The following NKAIN2 variants were observed in gnomAD, a reference collection of about 807,000 sequenced individuals.
NKAIN2 encodes sodium/potassium-transporting ATPase subunit beta-1-interacting protein 2.
Under a neutral mutation model 32.6 loss-of-function variants are expected in NKAIN2, and 14 were observed. The ratio of observed to expected loss-of-function variants is 0.43; its 90% CI spans 0.28 to 0.67. The LOEUF (loss-of-function observed/expected upper bound fraction) is 0.67. Ranked by LOEUF, NKAIN2 falls within the 30% of genes least tolerant of loss-of-function variation. The pLI is 0.17. For synonymous variants in NKAIN2, 80 were observed against 87.2 expected, an observed-to-expected ratio of 0.92 and a Z score of 0.46; for missense variants, 198 against 258.3, an observed-to-expected ratio of 0.77 and a Z score of 1.60.
intron 1 of NKAIN2, among the ~76,000 whole-genome samples, chr6:123,929,371 G>A (rs558555617): frequency 3.3e-5 from 5 of 152,114 alleles, no homozygotes; most frequent in African/African-American, 7.2e-5. Context: ...TTCTCACAGA[G>A]GAGAAAGAAG....
At chr6:124,073,480 A>G (rs1783550833) in intron 1 of NKAIN2, among the ~76,000 whole-genome samples, 1 of 152,106 alleles carries the variant, frequency 6.6e-6, no homozygotes, top group African/African-American at 2.4e-5. Flanking sequence ...CAATTTGCTG[A>G]GCTATGACTG....
intron 1 of NKAIN2, among the ~76,000 whole-genome samples, chr6:123,907,684 C>T (rs147578211): frequency 6.6e-6 from 1 of 152,068 alleles, no homozygotes; most frequent in Non-Finnish European, 1.5e-5. Context: ...TAGCCTCTCA[C>T]CCCCCACTGC....
intron 1 of NKAIN2, among the ~76,000 whole-genome samples, chr6:124,207,183 T>C (rs1479383135): frequency 6.6e-6 from 1 of 151,588 alleles, no homozygotes; most frequent in Non-Finnish European, 1.5e-5. Flanking sequence ...TCCCAGCTAC[T>C]TGGGGGGCTG....
intron 1 of NKAIN2, among the ~76,000 whole-genome samples, chr6:124,027,063 G>A (rs912801196): frequency 1.3e-5 from 2 of 151,526 alleles, no homozygotes; most frequent in Non-Finnish European, 2.9e-5. Context: ...CTCATGAAGT[G>A]CCTACGGCTT....
At chr6:124,684,317 T>C (rs1472201279) in intron 4 of NKAIN2, among the ~76,000 whole-genome samples, 1 of 152,184 alleles carries the variant, frequency 6.6e-6, no homozygotes, top group African/African-American at 2.4e-5. Context: ...TGTTAAAGTG[T>C]AGTTCTTAGA....
At chr6:124,236,488 G>A (rs1792769835) in intron 1 of NKAIN2, among the ~76,000 whole-genome samples, 1 of 152,114 alleles carries the variant, frequency 6.6e-6, no homozygotes, top group Non-Finnish European at 1.5e-5. Flanking sequence ...AGTATGGATA[G>A]CACTGAATTT....
intron 3 of NKAIN2, among the ~76,000 whole-genome samples, chr6:124,625,050 A>G (rs750372906): frequency 6.6e-6 from 1 of 152,150 alleles, no homozygotes; most frequent in Non-Finnish European, 1.5e-5. Context: ...TCATATATCT[A>G]AAATACTAAG....
Position 124,792,717 on chromosome 6 carries a change from A to G in NKAIN2, c.535+1318A>G, listed in dbSNP as rs76938594. 3.7e-3 allele frequency among the ~76,000 whole-genome samples: 562 copies of G among 152,214 alleles called. 2 individuals carry two copies. Among genetic ancestry groups the G allele is most frequent in the African/African-American group, 0.013 (543 of 41,550 alleles). On this transcript the variant is annotated intron_variant, in intron 5 of 6. Transcript: ENST00000368417. Reference sequence around the variant, plus strand: ...TGAATAGATCTTTATTGTGTAGCTGATATGGAAGTGAGGGGTGGTCCCAGG... The same window carrying G: ...TGAATAGATCTTTATTGTGTAGCTGGTATGGAAGTGAGGGGTGGTCCCAGG...
chr6:123,938,615 A>G (rs1776671998), intron 1 of NKAIN2, among the ~76,000 whole-genome samples: 1 of 142,244 alleles, frequency 7.0e-6, no homozygotes, highest in South Asian at 2.1e-4. Flanking sequence ...ATTTTTATAT[A>G]TTATATATAT....
chr6:124,127,446 A>G (rs537820122), intron 1 of NKAIN2, among the ~76,000 whole-genome samples: 2 of 152,232 alleles, frequency 1.3e-5, no homozygotes, highest in African/African-American at 4.8e-5. Flanking sequence ...GAATAGTCAC[A>G]TGGAAATATT....
intron 1 of NKAIN2, among the ~76,000 whole-genome samples, chr6:123,977,030 C>G (rs895272838): frequency 2.0e-5 from 3 of 152,114 alleles, no homozygotes; most frequent in Non-Finnish European, 4.4e-5. Context: ...CGCTTATTGC[C>G]TGGGCTGGAG....
intron 1 of NKAIN2, among the ~76,000 whole-genome samples, chr6:123,904,529 C>G (rs988688237): frequency 1.3e-5 from 2 of 152,178 alleles, no homozygotes; most frequent in Admixed American, 6.5e-5. Context: ...TTGCAATGTT[C>G]AGCCTTGCTT....
At chr6:123,925,854 G>T (rs1775980796) in intron 1 of NKAIN2, among the ~76,000 whole-genome samples, 1 of 152,042 alleles carries the variant, frequency 6.6e-6, no homozygotes, top group Non-Finnish European at 1.5e-5. Flanking sequence ...ATTTGTTCAG[G>T]TTGCTATAAC....
chr6:124,150,784 A>G (rs1787677744), intron 1 of NKAIN2, among the ~76,000 whole-genome samples: 1 of 152,154 alleles, frequency 6.6e-6, no homozygotes. Flanking sequence ...GGAGGCCTTC[A>G]AGAACTTACA....
At chr6:124,069,532 A>G (rs1300536738) in intron 1 of NKAIN2, among the ~76,000 whole-genome samples, 1 of 152,124 alleles carries the variant, frequency 6.6e-6, no homozygotes, top group Non-Finnish European at 1.5e-5. Context: ...TGAATTTTCA[A>G]TTGTGTAGTC....
At chr6:124,068,077 T>C (rs955938004) in intron 1 of NKAIN2, among the ~76,000 whole-genome samples, 6 of 152,202 alleles carry the variant, frequency 3.9e-5, no homozygotes, top group Non-Finnish European at 2.9e-5. Context: ...TGTAGAGTTT[T>C]AATAACTTAA....
chr6:124,115,291 C>G (rs1785558333), intron 1 of NKAIN2, among the ~76,000 whole-genome samples: 1 of 148,730 alleles, frequency 6.7e-6, no homozygotes, highest in African/African-American at 2.4e-5. Flanking sequence ...TAGTCCTTAT[C>G]TGTATTAAAT....
intron 1 of NKAIN2, among the ~76,000 whole-genome samples, chr6:124,204,156 G>A (rs887033284): frequency 1.3e-4 from 20 of 151,816 alleles, no homozygotes; most frequent in African/African-American, 4.8e-4. Flanking sequence ...TGATTAAGTA[G>A]AAATCAGTTG....
intron 3 of NKAIN2, among the ~76,000 whole-genome samples, chr6:124,604,343 A>T (rs1782418008): frequency 6.6e-6 from 1 of 151,990 alleles, no homozygotes; most frequent in South Asian, 2.1e-4. Flanking sequence ...CCCTTTCCTT[A>T]GCTTATTTGC....
Sources: allele counts gnomAD v4.1 joint callset (sites outside exome capture counted in the v4.1 genomes callset), GRCh38; gene constraint gnomAD v4.1.1; transcripts MANE v1.5; gene names NCBI Gene and HGNC (gene_info 2026-07-23, HGNC 2026-07-21).